The following RPUSD3 variants were observed in gnomAD, a reference collection of about 807,000 sequenced individuals.
The protein encoded by RPUSD3 is RNA pseudouridine synthase D3, also known as mitochondrial mRNA pseudouridine synthase RPUSD3.
A neutral mutation model predicts 35.1 loss-of-function variants in RPUSD3; 36 were observed. The observed-to-expected ratio is 1.02, with a 90% confidence interval of 0.79 to 1.35. The LOEUF is 1.35. Ranked by LOEUF, RPUSD3 falls within the 40% of genes most tolerant of loss-of-function variation. RPUSD3 has a pLI of 0.00. For synonymous variants in RPUSD3, 202 were observed against 187.8 expected, an observed-to-expected ratio of 1.08 and a Z score of -0.62; for missense variants, 486 against 441.9, an observed-to-expected ratio of 1.10 and a Z score of -0.89.
intron 4 of RPUSD3, chr3:9,841,663 G>T: frequency 4.9e-6 from 1 of 202,594 alleles, no homozygotes; most frequent in Admixed American, 5.6e-5. Flanking sequence ...TCCAGAGATG[G>T]GGTCTATTTT....
At chr3:9,840,187 T>C in exon 7 of RPUSD3, 1 of 1,612,230 alleles carries the variant, frequency 6.2e-7, no homozygotes, top group South Asian at 1.1e-5. Flanking sequence ...GACCTACCTG[T>C]CAGTGGCTGC....
At chr3:9,838,905 C>T in intron 8 of RPUSD3, 127 bp downstream of exon 8, 1 of 1,294,724 alleles carries the variant, frequency 7.7e-7, no homozygotes, top group Non-Finnish European at 1.1e-6. Flanking sequence ...GGTACGGATA[C>T]AGCCTTGGGA....
Position 9,843,960 on chromosome 3 carries a change from A to T in RPUSD3, c.55T>A (p.Trp19Arg), listed in dbSNP as rs775496157. ...CCCAGGCCCCGCCGCCAGCCACTCC[A>T]GAACCGGCCCAAAACACGGCGGCCG... The change falls in exon 1 of 9, where the codon TGG becomes AGG. Residue 19 changes from tryptophan to arginine, a missense_variant. Trp to Arg is a moderately radical substitution (Grantham distance 101). Transcript: ENST00000383820. 1.9e-6 allele frequency: 3 copies of T among 1,609,108 alleles called. No individual in the cohort carries two copies. In the South Asian group the frequency reaches 3.3e-5, roughly 18 times the overall value.
intron 2 of RPUSD3, chr3:9,842,694 G>C (rs1172598142): frequency 4.4e-6 from 1 of 226,220 alleles, no homozygotes; most frequent in African/African-American, 2.3e-5. Flanking sequence ...TTTCAGCACT[G>C]TATAGCCTGC....
chr3:9,839,921 C>A, intron 7 of RPUSD3: 1 of 330,926 alleles, frequency 3.0e-6, no homozygotes, highest in African/African-American at 2.2e-5. Flanking sequence ...TCCTCTATCA[C>A]CTAGACTGGA....
At chr3:9,840,971 G>A (rs2082094933) in intron 4 of RPUSD3, 166 bp from the exon 5 acceptor site, 2 of 549,326 alleles carry the variant, frequency 3.6e-6, no homozygotes, top group South Asian at 2.3e-5. Context: ...TTGATAACAA[G>A]ACTATGTAGC....
rs889186144 is a variant in RPUSD3, at chr3:9,842,144, C to T, written c.307+55G>A. 8 of 1,612,776 alleles carry T rather than the reference C, an allele frequency of 5.0e-6. No homozygotes were observed. The African/African-American group carries it at 6.7e-5, about 13-fold the overall frequency. ...GCTTCATGCCTTCACTTTTCCCTCC[C>T]TCAGTCACGAAACCCCCTTCCGCTG... On this transcript the variant is annotated intron_variant, in intron 3 of 8. Transcript: ENST00000383820.
At chr3:9,839,379 T>C (rs1174972081) in intron 7 of RPUSD3, 1 of 535,370 alleles carries the variant, frequency 1.9e-6, no homozygotes, top group African/African-American at 1.9e-5. Context: ...GGCTGTGGGA[T>C]CCACTCATGA....
chr3:9,843,181 C>A (rs112208999), intron 2 of RPUSD3: 1 of 432,714 alleles, frequency 2.3e-6, no homozygotes, highest in Non-Finnish European at 4.2e-6. Flanking sequence ...CGTGAGCCAC[C>A]GCGGCCAATA....
intron 7 of RPUSD3, chr3:9,839,886 G>C (rs2082077958): frequency 1.1e-5 from 2 of 190,444 alleles, no homozygotes; most frequent in South Asian, 9.2e-5. Context: ...CTCAAGTGCA[G>C]TTTTTTTTTT....
chr3:9,843,957 T>C lies in RPUSD3; in HGVS notation c.58A>G (p.Ser20Gly), dbSNP rs745988172. ...ACACCCAGGCCCCGCCGCCAGCCAC[T>C]CCAGAACCGGCCCAAAACACGGCGG... is the stretch of plus-strand genomic sequence containing the variant. Residue 20 changes from serine to glycine, a missense_variant, in exon 1 of 9, where the codon AGT becomes GGT. Physicochemically the swap from Ser to Gly is moderately conservative, Grantham distance 56. Coordinates refer to ENST00000383820, the Ensembl canonical transcript of RPUSD3. 3.7e-6 allele frequency: 6 copies of C among 1,608,798 alleles called. No homozygotes were observed. Among genetic ancestry groups the C allele is most frequent in the African/African-American group, 2.7e-5 (2 of 74,850 alleles).
At position 9,839,309 on chromosome 3, in the gene RPUSD3, C is replaced by G. The variant is rs2082068830; in HGVS notation, c.725-138G>C. ...TGTTTCAGTGAGGTCAGTACTATGG[C>G]CCCTGCATCCAGAGAGGGACACATA... On this transcript the variant is annotated intron_variant, in intron 7 of 8. Transcript: ENST00000383820. The G allele has an allele frequency of 8.9e-6, 8 of 901,290 alleles. No individual in the cohort carries two copies. In the South Asian group the frequency reaches 1.5e-4, roughly 17 times the overall value. 55.8% of individuals were successfully genotyped at this position (901,290 alleles called of 1,614,324 possible).
chr3:9,838,664 C>T (rs1435426025), intron 8 of RPUSD3, among the ~76,000 whole-genome samples: 3 of 152,208 alleles, frequency 2.0e-5, no homozygotes, highest in African/African-American at 7.2e-5. Context: ...AACATGAGGG[C>T]ACAGTTCTTG....
At chr3:9,838,300 C>T (rs2082053783) in intron 8 of RPUSD3, 93 bp from the exon 9 acceptor site, 12 of 1,200,974 alleles carry the variant, frequency 1.0e-5, no homozygotes, top group African/African-American at 3.0e-5. Context: ...GCGGGCGCTT[C>T]CTCCATTCCC....
intron 2 of RPUSD3, 123 bp from the exon 3 acceptor site, chr3:9,842,366 G>A: frequency 1.1e-6 from 1 of 940,086 alleles, no homozygotes; most frequent in Non-Finnish European, 1.7e-6. Flanking sequence ...TCTCAGACAT[G>A]AGTTAACTAC....
chr3:9,842,358 T>G, intron 2 of RPUSD3, 115 bp from the exon 3 acceptor site: 1 of 1,025,846 alleles, frequency 9.7e-7, no homozygotes, highest in Non-Finnish European at 1.5e-6. Context: ...ATCATGACTC[T>G]CAGACATGAG....
At chr3:9,843,838 C>A in intron 1 of RPUSD3, 52 bp downstream of exon 1, 1 of 1,564,538 alleles carries the variant, frequency 6.4e-7, no homozygotes, top group Non-Finnish European at 8.7e-7. Context: ...CCGCACGTGC[C>A]TTCCCCCTGC....
At chr3:9,843,994 C>G (rs1184441180) in exon 1 of RPUSD3, 1 of 1,594,886 alleles carries the variant, frequency 6.3e-7, no homozygotes, top group South Asian at 1.1e-5. Context: ...CGTCCATCTC[C>G]CGAGCCAGGA....
exon 9 of RPUSD3, chr3:9,838,073 T>C: frequency 6.2e-7 from 1 of 1,609,848 alleles, no homozygotes; most frequent in Non-Finnish European, 8.5e-7. Context: ...GGGGCAGTGG[T>C]GCCAGGAGCT....
Sources: allele counts gnomAD v4.1 joint callset (sites outside exome capture counted in the v4.1 genomes callset), GRCh38; gene constraint gnomAD v4.1.1; transcripts MANE v1.5; gene names NCBI Gene and HGNC (gene_info 2026-07-23, HGNC 2026-07-21).